Variants in TRAPPC3L observed in about 807,000 individuals in gnomAD.
TRAPPC3L encodes the protein trafficking protein particle complex subunit 3-like protein.
In TRAPPC3L, 23 loss-of-function variants were observed where a neutral mutation model predicts 23.7. That is an observed-to-expected ratio of 0.97 (90% confidence interval 0.70 to 1.37). The LOEUF is 1.37. TRAPPC3L is among the 40% of genes most tolerant of loss of function. The pLI is 0.00. For missense variants in TRAPPC3L, 212 were observed against 216.8 expected (o/e 0.98, Z 0.14); for synonymous variants, 81 against 77.9 (o/e 1.04, Z -0.21).
At chr6:116,528,813 A>G (rs1772529463) in intron 3 of TRAPPC3L, among the ~76,000 whole-genome samples, 1 of 152,206 alleles carries the variant, frequency 6.6e-6, no homozygotes, top group East Asian at 1.9e-4. Context: ...TTAATATAGT[A>G]TGTTGAAAAG....
chr6:116,524,084 T>A (rs1478841851), intron 3 of TRAPPC3L: 2 of 152,198 alleles, frequency 1.3e-5, no homozygotes, highest in Non-Finnish European at 2.9e-5. Flanking sequence ...TTTATGTTTT[T>A]TAAAAAGTTC....
intron 3 of TRAPPC3L, among the ~76,000 whole-genome samples, chr6:116,528,246 G>C (rs1046691483): frequency 6.6e-6 from 1 of 152,186 alleles, no homozygotes; most frequent in African/African-American, 2.4e-5. Context: ...CTTCATGTTG[G>C]AACTCTGCCA....
At chr6:116,500,773 A>G (rs1270844711) in intron 3 of TRAPPC3L, 107 bp from the exon 4 acceptor site, 5 of 950,762 alleles carry the variant, frequency 5.3e-6, no homozygotes, top group African/African-American at 1.7e-5. Context: ...GGTTAAGCAC[A>G]TGGAGTCTAT....
chr6:116,527,636 C>T (rs1480853093), intron 3 of TRAPPC3L, among the ~76,000 whole-genome samples: 1 of 151,566 alleles, frequency 6.6e-6, no homozygotes, highest in East Asian at 1.9e-4. Context: ...AAAAAAAATC[C>T]TAAGAGGATA....
intron 3 of TRAPPC3L, among the ~76,000 whole-genome samples, chr6:116,511,189 T>TAC (rs1772110861): frequency 6.8e-6 from 1 of 147,094 alleles, no homozygotes; most frequent in African/African-American, 2.5e-5. Context: ...TATTGATATA[T>TAC]ATATATATAT....
intron 3 of TRAPPC3L, among the ~76,000 whole-genome samples, chr6:116,505,385 A>G (rs1477546080): frequency 1.3e-5 from 2 of 152,180 alleles, no homozygotes; most frequent in Non-Finnish European, 2.9e-5. Flanking sequence ...AAACAAAAGG[A>G]AAAACATTCC....
chr6:116,545,161 AT>A (rs1260806057), intron 1 of TRAPPC3L, among the ~76,000 whole-genome samples: 4 of 151,302 alleles, frequency 2.6e-5, no homozygotes, highest in African/African-American at 4.8e-5. Flanking sequence ...GTAAGTTCCC[AT>A]TTCCTGAAGT....
chr6:116,505,649 T>C (rs1350334209), intron 3 of TRAPPC3L, among the ~76,000 whole-genome samples: 1 of 152,182 alleles, frequency 6.6e-6, no homozygotes, highest in Non-Finnish European at 1.5e-5. Context: ...CAAAACAGCA[T>C]GGTACTGGTA....
At chr6:116,506,218 C>T (rs1772004688) in intron 3 of TRAPPC3L, among the ~76,000 whole-genome samples, 1 of 152,120 alleles carries the variant, frequency 6.6e-6, no homozygotes, top group African/African-American at 2.4e-5. Flanking sequence ...TATGAACAGA[C>T]ACTTGTCAAA....
At chr6:116,526,286 G>C (rs1043435475) in intron 3 of TRAPPC3L, among the ~76,000 whole-genome samples, 1 of 152,102 alleles carries the variant, frequency 6.6e-6, no homozygotes, top group Admixed American at 6.6e-5. Context: ...TTTATTTGAA[G>C]CATGTAAAAG....
At chr6:116,497,931 C>G (rs1258363266) in intron 4 of TRAPPC3L, among the ~76,000 whole-genome samples, 1 of 152,210 alleles carries the variant, frequency 6.6e-6, no homozygotes, top group Non-Finnish European at 1.5e-5. Context: ...AATTCCTTAG[C>G]TAGCCAGCCT....
At chr6:116,512,011 G>C (rs1562339140) in intron 3 of TRAPPC3L, 1 of 1,614,006 alleles carries the variant, frequency 6.2e-7, no homozygotes, top group South Asian at 1.1e-5. Flanking sequence ...AGATCACTCT[G>C]AGCTCATTGG....
chr6:116,513,938 C>G (rs1772173626), intron 3 of TRAPPC3L, among the ~76,000 whole-genome samples: 1 of 152,048 alleles, frequency 6.6e-6, no homozygotes, highest in African/African-American at 2.4e-5. Context: ...TCTTTGAGTC[C>G]CAGTTTTCTC....
At chr6:116,524,953 G>A (rs55790667) in intron 3 of TRAPPC3L, among the ~76,000 whole-genome samples, 31 of 152,224 alleles carry the variant, frequency 2.0e-4, no homozygotes, top group Non-Finnish European at 4.0e-4. Flanking sequence ...CAAGCATACT[G>A]GGAGGCAGGT....
chr6:116,532,033 G>A (rs189867745), intron 3 of TRAPPC3L, among the ~76,000 whole-genome samples: 30 of 152,240 alleles, frequency 2.0e-4, no homozygotes, highest in African/African-American at 6.7e-4. Flanking sequence ...TCTTGTTGCT[G>A]TGGATTTGTT....
chr6:116,538,724 ATCTT>A (rs1404802758), intron 3 of TRAPPC3L, among the ~76,000 whole-genome samples: 32 of 151,194 alleles, frequency 2.1e-4, no homozygotes, highest in African/African-American at 7.1e-4. Context: ...AAAGTCTTAA[ATCTT>A]TCTTTCTTTT....
chr6:116,526,571 A>G (rs932728193), intron 3 of TRAPPC3L, among the ~76,000 whole-genome samples: 5 of 152,214 alleles, frequency 3.3e-5, no homozygotes, highest in Non-Finnish European at 5.9e-5. Flanking sequence ...AGGTGAGTCT[A>G]TGCAGGAGCT....
At chr6:116,505,766 G>A (rs1193549701) in intron 3 of TRAPPC3L, among the ~76,000 whole-genome samples, 1 of 152,090 alleles carries the variant, frequency 6.6e-6, no homozygotes, top group Non-Finnish European at 1.5e-5. Flanking sequence ...CAAGAAATAG[G>A]GAAAGGATTC....
At chr6:116,526,675 G>A (rs757437602) in intron 3 of TRAPPC3L, among the ~76,000 whole-genome samples, 24 of 152,122 alleles carry the variant, frequency 1.6e-4, no homozygotes, top group Non-Finnish European at 2.6e-4. Context: ...ATTACACCAG[G>A]CAGGGATGGC....
Sources: allele counts gnomAD v4.1 joint callset (sites outside exome capture counted in the v4.1 genomes callset), GRCh38; gene constraint gnomAD v4.1.1; transcripts MANE v1.5; gene names NCBI Gene and HGNC (gene_info 2026-07-23, HGNC 2026-07-21).